Variants in RANBP2 observed in about 807,000 individuals in gnomAD.
The protein encoded by RANBP2 is E3 SUMO-protein ligase RanBP2.
A neutral mutation model predicts 303.6 loss-of-function variants in RANBP2; 57 were observed. The ratio of observed to expected loss-of-function variants is 0.19; its 90% CI spans 0.15 to 0.23. The LOEUF (loss-of-function observed/expected upper bound fraction) is 0.23, where lower values mean the gene tolerates loss of function less well. Ranked by LOEUF, RANBP2 falls within the 10% of genes least tolerant of loss-of-function variation. The pLI is 1.00. For missense variants in RANBP2, 3,138 were observed against 3,780.8 expected (o/e 0.83, Z 4.46); for synonymous variants, 1,167 against 1,301.5 (o/e 0.90, Z 2.23).
the RANBP2 span, chr2:108,876,227 T>A: frequency 1.2e-6 from 2 of 1,612,084 alleles, no homozygotes; most frequent in African/African-American, 2.7e-5. Flanking sequence ...AAAATGTAAC[T>A]CCCTGGTCTC....
the RANBP2 span, among the ~76,000 whole-genome samples, chr2:109,689,159 G>T: frequency 6.6e-6 from 1 of 151,956 alleles, no homozygotes. Flanking sequence ...CACCCACCTC[G>T]GCCTCCCAAA....
the RANBP2 span, among the ~76,000 whole-genome samples, chr2:109,053,398 A>G: frequency 6.6e-6 from 1 of 152,216 alleles, no homozygotes; most frequent in Non-Finnish European, 1.5e-5. Flanking sequence ...AGAGAGAGGA[A>G]TGGCCTGGAC....
At chr2:109,384,652 T>C in the RANBP2 span, among the ~76,000 whole-genome samples, 1 of 152,162 alleles carries the variant, frequency 6.6e-6, no homozygotes, top group Admixed American at 6.6e-5. Flanking sequence ...CCTGTGTCCA[T>C]AGACTCCTCC....
chr2:108,976,765 G>GTCCCTTA, the RANBP2 span, among the ~76,000 whole-genome samples: 1 of 151,966 alleles, frequency 6.6e-6, no homozygotes, highest in Non-Finnish European at 1.5e-5. Flanking sequence ...TCTTTTAGTT[G>GTCCCTTA]GTTTGTGTGT....
the RANBP2 span, among the ~76,000 whole-genome samples, chr2:109,346,192 T>TC: frequency 1.1e-4 from 16 of 152,214 alleles, no homozygotes; most frequent in Admixed American, 8.5e-4. Flanking sequence ...ATTTTTTTTT[T>TC]CTCTTCGAGT....
At chr2:109,718,829 G>A in the RANBP2 span, among the ~76,000 whole-genome samples, 205 of 151,918 alleles carry the variant, frequency 1.3e-3, no homozygotes, top group Non-Finnish European at 2.5e-3. Context: ...GGCCAACATG[G>A]TGAAACCCCG....
chr2:109,621,353 A>C, the RANBP2 span, among the ~76,000 whole-genome samples: 1 of 151,842 alleles, frequency 6.6e-6, no homozygotes, highest in Non-Finnish European at 1.5e-5. Context: ...GGGTTTCACC[A>C]TGTTGGCCAG....
the RANBP2 span, among the ~76,000 whole-genome samples, chr2:109,357,268 G>A: frequency 2.1e-4 from 32 of 151,600 alleles, no homozygotes; most frequent in African/African-American, 6.3e-4. Context: ...TGCAAGCTCC[G>A]CCTCCCAGGC....
the RANBP2 span, chr2:109,616,633 G>A: frequency 6.0e-6 from 1 of 167,030 alleles, no homozygotes; most frequent in Non-Finnish European, 1.5e-5. Context: ...AATAAAATGG[G>A]AATCTTCTTG....
chr2:108,998,898 G>A, the RANBP2 span, among the ~76,000 whole-genome samples: 2 of 152,202 alleles, frequency 1.3e-5, no homozygotes, highest in Non-Finnish European at 2.9e-5. Context: ...AGCTGGGCCC[G>A]TGCCTCCTCC....
chr2:109,318,711 G>T, the RANBP2 span, among the ~76,000 whole-genome samples: 1 of 152,106 alleles, frequency 6.6e-6, no homozygotes, highest in Non-Finnish European at 1.5e-5. Context: ...CAGAATCCGG[G>T]GCTGCCCTGG....
chr2:109,069,009 C>T, the RANBP2 span, among the ~76,000 whole-genome samples: 1 of 152,194 alleles, frequency 6.6e-6, no homozygotes, highest in Admixed American at 6.5e-5. Flanking sequence ...GCACTCCTCC[C>T]TTAGACAGGT....
chr2:109,409,124 C>G, the RANBP2 span, among the ~76,000 whole-genome samples: 2 of 152,218 alleles, frequency 1.3e-5, no homozygotes, highest in Non-Finnish European at 2.9e-5. Flanking sequence ...GTTCTCCTCC[C>G]ATATTCCACT....
At chr2:109,266,165 GGT>G in the RANBP2 span, among the ~76,000 whole-genome samples, 1 of 148,850 alleles carries the variant, frequency 6.7e-6, no homozygotes, top group Non-Finnish European at 1.5e-5. Context: ...TGTTGTGTAT[GGT>G]GTGTGTTGTG....
chr2:108,765,330 C>T lies in RANBP2; in HGVS notation c.4791C>T (p.Ser1597=), dbSNP rs547882747. The change falls in exon 20 of 29, where the codon AGC becomes AGT. Residue 1597 remains serine (S), a synonymous_variant. Coordinates refer to ENST00000283195, the MANE Select transcript of RANBP2 (RefSeq NM_006267.5). ...GTSETSKAPK[S]GFEGMFTKKE... is the part of the protein sequence containing the mutation. Reference sequence around the variant, plus strand: ...CAGAGACAAGCAAGGCTCCAAAGAGCGGATTTGAGGGAATGTTCACTAAGA... The same window carrying T: ...CAGAGACAAGCAAGGCTCCAAAGAGTGGATTTGAGGGAATGTTCACTAAGA... 71 of 1,612,328 alleles carry T rather than the reference C, an allele frequency of 4.4e-5. No homozygotes were observed. Among genetic ancestry groups the T allele is most frequent in the African/African-American group, 1.6e-4 (12 of 74,428 alleles).
the RANBP2 span, among the ~76,000 whole-genome samples, chr2:108,834,540 T>C: frequency 6.6e-6 from 1 of 152,206 alleles, no homozygotes; most frequent in Non-Finnish European, 1.5e-5. Flanking sequence ...ATACACTAAG[T>C]ATTGTCAAAT....
At chr2:109,130,111 A>C in the RANBP2 span, 3 of 1,320,874 alleles carry the variant, frequency 2.3e-6, no homozygotes, top group Non-Finnish European at 2.9e-6. Flanking sequence ...GCCGGCGGCA[A>C]AGGTGAGTAT....
the RANBP2 span, among the ~76,000 whole-genome samples, chr2:109,560,532 T>C: frequency 0.017 from 2,559 of 152,314 alleles, 70 homozygotes; most frequent in African/African-American, 0.058. Flanking sequence ...TGGTCACACA[T>C]AGAATTAATC....
At chr2:109,238,244 C>G in the RANBP2 span, among the ~76,000 whole-genome samples, 1 of 151,852 alleles carries the variant, frequency 6.6e-6, no homozygotes, top group African/African-American at 2.4e-5. Context: ...AAGACTAATT[C>G]AATAGAAAAG....
Sources: gnomAD v4.1 joint callset for allele counts (sites outside exome capture counted in the v4.1 genomes callset) on GRCh38, gnomAD v4.1.1 for gene constraint, MANE v1.5 for transcripts, NCBI Gene and HGNC (gene_info 2026-07-23, HGNC 2026-07-21) for gene names.